Variants in MITF observed in about 807,000 individuals in gnomAD.
MITF encodes the protein melanocyte inducing transcription factor, also known as microphthalmia-associated transcription factor.
MITF carries 17 observed loss-of-function variants against 60.5 expected under a neutral mutation model. That is an observed-to-expected ratio of 0.28 (90% CI 0.19 to 0.42). The LOEUF (loss-of-function observed/expected upper bound fraction) is 0.42, where lower values mean the gene tolerates loss of function less well. MITF is among the 10% of genes least tolerant of loss of function. The pLI, the probability that MITF is intolerant of heterozygous loss-of-function variation, is 1.00. For synonymous variants in MITF, 260 were observed against 248.5 expected, an observed-to-expected ratio of 1.05 and a Z score of -0.43; for missense variants, 622 against 683.5, an observed-to-expected ratio of 0.91 and a Z score of 1.00.
At chr3:69,829,247 A>G (rs889436967) in intron 1 of MITF, among the ~76,000 whole-genome samples, 4 of 152,184 alleles carry the variant, frequency 2.6e-5, no homozygotes, top group African/African-American at 7.2e-5. Context: ...AAAAAGACAA[A>G]CAAACTAATG....
At chr3:69,963,930 G>A (rs2066613615) in intron 9 of MITF, among the ~76,000 whole-genome samples, 1 of 151,204 alleles carries the variant, frequency 6.6e-6, no homozygotes, top group South Asian at 2.1e-4. Flanking sequence ...AAAGCTGAAG[G>A]ACCATGAACT....
At chr3:69,884,588 G>C (rs950984765) in intron 2 of MITF, among the ~76,000 whole-genome samples, 1 of 152,086 alleles carries the variant, frequency 6.6e-6, no homozygotes, top group Non-Finnish European at 1.5e-5. Context: ...TGCTTCCCAG[G>C]CTGCTTTATG....
chr3:69,938,465 G>A, intron 3 of MITF: 1 of 1,475,022 alleles, frequency 6.8e-7, no homozygotes, highest in Non-Finnish European at 9.0e-7. Context: ...GTGAATGTCT[G>A]GAATATTATT....
At chr3:69,888,677 C>A (rs952396693) in intron 2 of MITF, among the ~76,000 whole-genome samples, 1 of 152,078 alleles carries the variant, frequency 6.6e-6, no homozygotes, top group African/African-American at 2.4e-5. Flanking sequence ...TGATTTATTA[C>A]CCACACGTTT....
At chr3:69,787,130 A>C (rs2062663262) in intron 1 of MITF, among the ~76,000 whole-genome samples, 1 of 152,202 alleles carries the variant, frequency 6.6e-6, no homozygotes, top group Non-Finnish European at 1.5e-5. Flanking sequence ...GGAGAAGCTC[A>C]AACCGTTCTT....
At chr3:69,746,505 A>G (rs1703732594) in intron 1 of MITF, among the ~76,000 whole-genome samples, 1 of 151,746 alleles carries the variant, frequency 6.6e-6, no homozygotes, top group African/African-American at 2.4e-5. Flanking sequence ...TGAGAGTTTC[A>G]TTTTTTTTGT....
At chr3:69,962,232 C>T (rs934454053) in intron 9 of MITF, among the ~76,000 whole-genome samples, 2 of 152,084 alleles carry the variant, frequency 1.3e-5, no homozygotes, top group African/African-American at 2.4e-5. Context: ...TCAGTATGGG[C>T]CTAAGGGCTT....
chr3:69,759,360 A>G (rs1314115130), intron 1 of MITF, among the ~76,000 whole-genome samples: 2 of 152,212 alleles, frequency 1.3e-5, no homozygotes, highest in African/African-American at 2.4e-5. Flanking sequence ...AACACACAAA[A>G]GTGCAAAAAA....
At chr3:69,793,816 A>G (rs1414290194) in intron 1 of MITF, among the ~76,000 whole-genome samples, 1 of 152,170 alleles carries the variant, frequency 6.6e-6, no homozygotes, top group Non-Finnish European at 1.5e-5. Context: ...CACTGGAATG[A>G]TCTTCAGTTT....
intron 2 of MITF, among the ~76,000 whole-genome samples, chr3:69,890,007 C>T (rs1341472309): frequency 3.3e-5 from 5 of 152,108 alleles, no homozygotes; most frequent in Non-Finnish European, 5.9e-5. Flanking sequence ...TAATGATTTA[C>T]AATTATTAAT....
Position 69,875,662 on chromosome 3 carries a change from A to G in MITF, c.105-3472A>G, listed in dbSNP as rs1374933281. ...CACGTCCTCGTTTTAAAAAATAAGC[A>G]TTGTTGCCACTTGTAATGTTCTCAC... On this transcript the variant is annotated intron_variant, in intron 1 of 9. Coordinates refer to ENST00000352241, the MANE Select transcript of MITF (RefSeq NM_001354604.2). 5.3e-5 allele frequency among the ~76,000 whole-genome samples: 8 copies of G among 152,362 alleles called. No homozygotes were observed. In the East Asian group the frequency reaches 1.2e-3, roughly 22 times the overall value.
Position 69,739,474 on chromosome 3 carries a change from G to A in MITF, c.-124G>A, listed in dbSNP as rs1386988692. The A allele has an allele frequency of 6.3e-6, 5 of 787,476 alleles. No individual in the cohort carries two copies. The highest frequency in any genetic ancestry group is 3.5e-4 in the Middle Eastern group (1 of 2,846). 48.8% of individuals were successfully genotyped at this position (787,476 alleles called of 1,614,324 possible). On this transcript the variant is annotated 5_prime_UTR_variant, in exon 1 of 10. Coordinates refer to ENST00000352241, the MANE Select transcript of MITF (RefSeq NM_001354604.2). ...CTGGGGCGGGCGGCCGCGAGCCGGC[G>A]AGCGGGCAGAGCTCGGCACTGCGCC...
chr3:69,831,343 T>C (rs986909141), intron 1 of MITF, among the ~76,000 whole-genome samples: 1 of 152,196 alleles, frequency 6.6e-6, no homozygotes, highest in Non-Finnish European at 1.5e-5. Context: ...GACGTTCTTG[T>C]CCTCTTTTTC....
intron 1 of MITF, among the ~76,000 whole-genome samples, chr3:69,816,891 C>G (rs900609624): frequency 6.6e-5 from 10 of 152,100 alleles, no homozygotes; most frequent in African/African-American, 2.4e-4. Context: ...GAAAAAAATG[C>G]TTTTGTTATG....
intron 1 of MITF, among the ~76,000 whole-genome samples, chr3:69,765,333 A>G (rs1190616639): frequency 6.6e-6 from 1 of 152,166 alleles, no homozygotes; most frequent in Non-Finnish European, 1.5e-5. Flanking sequence ...TTTTTACTTT[A>G]TGGAAATGAG....
intron 2 of MITF, among the ~76,000 whole-genome samples, chr3:69,935,438 A>G (rs1464595513): frequency 6.6e-6 from 1 of 152,198 alleles, no homozygotes; most frequent in Admixed American, 6.5e-5. Flanking sequence ...TAATAGTGAA[A>G]TAAGCACATT....
At chr3:69,776,904 C>A (rs1185426537) in intron 1 of MITF, among the ~76,000 whole-genome samples, 1 of 152,054 alleles carries the variant, frequency 6.6e-6, no homozygotes, top group East Asian at 1.9e-4. Flanking sequence ...TTATATAGAA[C>A]TTATATTCGA....
chr3:69,839,503 G>A (rs2063593864), intron 1 of MITF, among the ~76,000 whole-genome samples: 1 of 150,820 alleles, frequency 6.6e-6, no homozygotes, highest in Non-Finnish European at 1.5e-5. Flanking sequence ...TCTATTTTAG[G>A]ATACTCTAAT....
chr3:69,784,853 T>C (rs2062622387), intron 1 of MITF, among the ~76,000 whole-genome samples: 1 of 152,088 alleles, frequency 6.6e-6, no homozygotes, highest in South Asian at 2.1e-4. Context: ...GTTAAGAAAC[T>C]ATTGTGGTGA....
Sources: allele counts gnomAD v4.1 joint callset (sites outside exome capture counted in the v4.1 genomes callset), GRCh38; gene constraint gnomAD v4.1.1; transcripts MANE v1.5; gene names NCBI Gene and HGNC (gene_info 2026-07-23, HGNC 2026-07-21).